The following AKAP10 variants were observed in gnomAD, a reference collection of about 807,000 sequenced individuals.
AKAP10 encodes A-kinase anchoring protein 10.
Under a neutral mutation model 80.8 loss-of-function variants are expected in AKAP10, and 24 were observed. The observed-to-expected ratio is 0.30, with a 90% CI of 0.22 to 0.42. AKAP10 has a LOEUF of 0.42. Ranked by LOEUF, AKAP10 falls within the 10% of genes least tolerant of loss-of-function variation. The pLI is 1.00. For synonymous variants in AKAP10, 291 were observed against 277.7 expected (o/e 1.05, Z -0.48); for missense variants, 661 against 794.9 (o/e 0.83, Z 2.03).
chr17:19,909,193 C>G lies in AKAP10; in HGVS notation c.1971G>C (p.Glu657Asp), dbSNP rs774962900. Residue 657 changes from glutamate (E) to aspartate (D), a missense_variant, in exon 14 of 15, where the codon GAG (glutamate) becomes GAC (aspartate). By Grantham distance (45) the Glu-to-Asp change is conservative. Transcript: ENST00000225737. ...AAGTCATCCTTACCTTTGTAGATTT[C>G]TCTAACGGTTGATCATACTGAGCCT... ...MQQAQYDQPL[E>D]KSTKL 3.7e-6 allele frequency: 6 copies of G among 1,611,458 alleles called. No homozygotes were observed. The South Asian group carries it at 6.6e-5, about 18-fold the overall frequency.
chr17:19,952,468 A>G (rs1181154256), intron 4 of AKAP10, among the ~76,000 whole-genome samples: 1 of 119,454 alleles, frequency 8.4e-6, no homozygotes, highest in Admixed American at 7.5e-5. Flanking sequence ...CTGTCTCAAT[A>G]AATAAATAAA....
chr17:19,910,325 C>CAAAAAAAAAAAAAA (rs3031068), intron 12 of AKAP10, among the ~76,000 whole-genome samples: 15 of 90,648 alleles, frequency 1.7e-4, no homozygotes, highest in East Asian at 4.9e-4. Context: ...GACTCCAACT[C>CAAAAAAAAAAAAAA]AAAAAAAAAA....
intron 10 of AKAP10, among the ~76,000 whole-genome samples, chr17:19,926,057 A>G (rs1253595418): frequency 1.3e-5 from 2 of 152,190 alleles, no homozygotes; most frequent in Non-Finnish European, 2.9e-5. Flanking sequence ...AAGCGTTCAG[A>G]TACAAAATCT....
intron 12 of AKAP10, among the ~76,000 whole-genome samples, chr17:19,918,925 A>T (rs887429626): frequency 6.6e-6 from 1 of 152,028 alleles, no homozygotes; most frequent in African/African-American, 2.4e-5. Flanking sequence ...ACATATATTT[A>T]TTTTTTTTAA....
At chr17:19,924,102 G>T (rs2042848415) in intron 11 of AKAP10, among the ~76,000 whole-genome samples, 1 of 152,076 alleles carries the variant, frequency 6.6e-6, no homozygotes, top group Non-Finnish European at 1.5e-5. Context: ...CTTTTTCCAA[G>T]TATCAGTTAT....
At chr17:19,939,966 ACTT>A (rs1019628956) in intron 7 of AKAP10, 117 bp from the exon 8 acceptor site, 2 of 1,145,916 alleles carry the variant, frequency 1.7e-6, no homozygotes, top group African/African-American at 3.2e-5. Context: ...AAAAAGATCT[ACTT>A]CTTCTGTTAA....
At chr17:19,907,868 CT>C (rs573617741) in intron 14 of AKAP10, among the ~76,000 whole-genome samples, 160 of 145,066 alleles carry the variant, frequency 1.1e-3, no homozygotes, top group Non-Finnish European at 1.3e-3. Context: ...GTCAGACATT[CT>C]TTTTTTTTTT....
intron 1 of AKAP10, among the ~76,000 whole-genome samples, chr17:19,971,166 T>C (rs1434296489): frequency 6.6e-6 from 1 of 151,996 alleles, no homozygotes; most frequent in East Asian, 2.0e-4. Context: ...TGTATATATA[T>C]ACATGTATGT....
intron 9 of AKAP10, among the ~76,000 whole-genome samples, chr17:19,933,299 G>T (rs1176048520): frequency 6.6e-6 from 1 of 152,174 alleles, no homozygotes; most frequent in African/African-American, 2.4e-5. Flanking sequence ...GATTACAGGC[G>T]TGAGCCACCG....
At chr17:19,916,591 AAGCAGG>A (rs1438679823) in intron 12 of AKAP10, among the ~76,000 whole-genome samples, 5 of 152,126 alleles carry the variant, frequency 3.3e-5, no homozygotes, top group African/African-American at 1.2e-4. Context: ...TATACATATG[AAGCAGG>A]AGCACTTCTT....
chr17:19,958,365 T>C lies in AKAP10; in HGVS notation c.526A>G (p.Thr176Ala). Residue 176 changes from threonine to alanine, a missense_variant, in exon 4 of 15, where the codon ACA becomes GCA. Physicochemically the swap from Thr to Ala is moderately conservative, Grantham distance 58. Coordinates refer to ENST00000225737, the MANE Select transcript of AKAP10 (RefSeq NM_007202.4). ...TCAGCCAGTGAGCTCTGCTTCACTG[T>C]GTTTAGACTGTGTGCTCTTATTCGC... ...WSRIRAHSLN[T>A]VKQSSLAEPV... is the part of the protein sequence containing the mutation. The C allele has an allele frequency of 6.2e-7, 1 of 1,614,258 alleles. No individual in the cohort carries two copies. The highest frequency in any genetic ancestry group is 8.5e-7 in the Non-Finnish European group (1 of 1,180,044).
At chr17:19,966,168 A>C in intron 2 of AKAP10, among the ~76,000 whole-genome samples, 1 of 152,128 alleles carries the variant, frequency 6.6e-6, no homozygotes, top group East Asian at 1.9e-4. Context: ...CTGAACATAT[A>C]ATTTCCTGTT....
chr17:19,949,796 A>C (rs2043179003), intron 4 of AKAP10, among the ~76,000 whole-genome samples: 1 of 147,586 alleles, frequency 6.8e-6, no homozygotes, highest in Non-Finnish European at 1.5e-5. Flanking sequence ...AAAAAAAAAA[A>C]CGGTGTTATT....
intron 5 of AKAP10, among the ~76,000 whole-genome samples, chr17:19,946,267 A>T (rs1300978774): frequency 7.8e-4 from 21 of 27,062 alleles, no homozygotes; most frequent in African/African-American, 1.0e-3. Flanking sequence ...ATATATATAT[A>T]TATATATATT....
At chr17:19,918,629 T>C (rs1181306135) in intron 12 of AKAP10, among the ~76,000 whole-genome samples, 1 of 152,222 alleles carries the variant, frequency 6.6e-6, no homozygotes, top group Non-Finnish European at 1.5e-5. Flanking sequence ...CAATAGCTCT[T>C]AATCTTAAAC....
At chr17:19,971,093 C>T (rs1192793185) in intron 1 of AKAP10, among the ~76,000 whole-genome samples, 3 of 151,874 alleles carry the variant, frequency 2.0e-5, no homozygotes, top group African/African-American at 4.8e-5. Flanking sequence ...TCAAGTGATC[C>T]TCCTGCCTCA....
At chr17:19,952,401 T>C (rs1312421874) in intron 4 of AKAP10, among the ~76,000 whole-genome samples, 1 of 151,188 alleles carries the variant, frequency 6.6e-6, no homozygotes, top group East Asian at 1.9e-4. Flanking sequence ...GAGGTGGAGG[T>C]TGTGGTAAGC....
intron 5 of AKAP10, 66 bp downstream of exon 5, chr17:19,947,341 C>T (rs1281451631): frequency 1.3e-5 from 16 of 1,244,888 alleles, no homozygotes; most frequent in African/African-American, 3.0e-5. Flanking sequence ...TAGTCAATAA[C>T]GAAAATTGTC....
Position 19,958,351 on chromosome 17 carries a change from G to A in AKAP10, c.540C>T (p.Ser180=), listed in dbSNP as rs770255667. The A allele has an allele frequency of 1.2e-6, 2 of 1,614,212 alleles. No homozygotes were observed. Among genetic ancestry groups the A allele is most frequent in the Non-Finnish European group, 1.7e-6 (2 of 1,180,028 alleles). ...RAHSLNTVKQ[S]SLAEPVSPSK... ...ATGGAGAGACAGGCTCAGCCAGTGA[G>A]CTCTGCTTCACTGTGTTTAGACTGT... The change falls in exon 4 of 15, where the codon AGC becomes AGT. Residue 180 remains serine, a synonymous_variant. Transcript: ENST00000225737.
Sources: gnomAD v4.1 joint callset for allele counts (sites outside exome capture counted in the v4.1 genomes callset) on GRCh38, gnomAD v4.1.1 for gene constraint, MANE v1.5 for transcripts, NCBI Gene and HGNC (gene_info 2026-07-23, HGNC 2026-07-21) for gene names.